CACNG7: variants seen among roughly 807,000 people sequenced by gnomAD.
CACNG7 encodes the protein voltage-dependent calcium channel gamma-7 subunit.
CACNG7 carries 9 observed loss-of-function variants against 26.3 expected under a neutral mutation model. The ratio of observed to expected loss-of-function variants is 0.34; its 90% CI spans 0.21 to 0.60. The LOEUF (loss-of-function observed/expected upper bound fraction) is 0.60, where lower values mean the gene tolerates loss of function less well. Among genes scored for constraint, CACNG7 ranks in the 20% least tolerant of loss-of-function variants. The probability of loss-of-function intolerance (pLI) is 0.81; values close to 1 mark genes in which losing one functional copy is unlikely to be tolerated. For synonymous variants in CACNG7, 170 were observed against 157.0 expected, an observed-to-expected ratio of 1.08 and a Z score of -0.62; for missense variants, 297 against 380.4, an observed-to-expected ratio of 0.78 and a Z score of 1.82.
intron 4 of CACNG7, among the ~76,000 whole-genome samples, chr19:53,918,598 G>A (rs1387821309): frequency 6.6e-6 from 1 of 152,040 alleles, no homozygotes; most frequent in Non-Finnish European, 1.5e-5. Context: ...TAAAGCATCC[G>A]ACCCACTGCC....
rs1467078521 is a variant in CACNG7 at position 53,909,415 on chromosome 19, A to C, written c.-132A>C. ...CGGGGCGGGGGCGGGGGGCGCGGGCACCGGCGACCCCGGTGGCGGCGGCGG... is the reference window on the plus strand; with the variant it reads ...CGGGGCGGGGGCGGGGGGCGCGGGCCCCGGCGACCCCGGTGGCGGCGGCGG... On this transcript the variant is annotated 5_prime_UTR_variant, in exon 1 of 6. Transcript: ENST00000391767. The surrounding 1 kb of genome is among the most constrained non-coding windows in gnomAD (Gnocchi z 5.1). 1 of 147,218 alleles carries C rather than the reference A, an allele frequency of 6.8e-6. No individual in the cohort carries two copies. The highest frequency in any genetic ancestry group is 1.5e-5 in the Non-Finnish European group (1 of 66,002). 9.1% of individuals were successfully genotyped at this position (147,218 alleles called of 1,614,324 possible).
At chr19:53,925,717 C>A (rs1043960123) in intron 4 of CACNG7, among the ~76,000 whole-genome samples, 1 of 152,224 alleles carries the variant, frequency 6.6e-6, no homozygotes, top group African/African-American at 2.4e-5. Flanking sequence ...CTCACAGGGA[C>A]CTCTGCTGGG....
Position 53,913,000 on chromosome 19 carries a change from G to A in CACNG7, c.169G>A (p.Gly57Ser), listed in dbSNP as rs1348476298. 3 of 1,612,270 alleles carry A rather than the reference G, an allele frequency of 1.9e-6. No individual in the cohort carries two copies. Among genetic ancestry groups the A allele is most frequent in the Admixed American group, 1.7e-5 (1 of 59,954 alleles). ...CGAGGTCAAGATGGCCCTGCACGCC[G>A]GCCTCTGGCGAGTCTGCTTCTTTGC... ...TTEVKMALHA[G>S]LWRVCFFAGR... The change falls in exon 2 of 6, where the codon GGC (glycine) becomes AGC (serine). Residue 57 changes from glycine to serine, a missense_variant. Coordinates refer to ENST00000391767, the MANE Select transcript of CACNG7 (RefSeq NM_031896.5). This position sits in a 1 kb window ranked among gnomAD's most constrained non-coding sequence, Gnocchi z 4.6.
chr19:53,927,034 CT>C, intron 4 of CACNG7, among the ~76,000 whole-genome samples: 1 of 152,092 alleles, frequency 6.6e-6, no homozygotes, highest in South Asian at 2.1e-4. Context: ...GATCTCCTGC[CT>C]TAGCCTCCCA....
Position 53,942,142 on chromosome 19 carries a change from A to G in CACNG7, c.677A>G (p.Asp226Gly), listed in dbSNP as rs1388364460. 1 of 1,613,924 alleles carries G rather than the reference A, an allele frequency of 6.2e-7. No homozygotes were observed. Among genetic ancestry groups the G allele is most frequent in the South Asian group, 1.1e-5 (1 of 91,072 alleles). Residue 226 changes from aspartate (D) to glycine (G), a missense_variant, in exon 6 of 6, where the codon GAC becomes GGC. Asp to Gly is a moderately conservative substitution (Grantham distance 94). Transcript: ENST00000391767. The surrounding 1 kb of genome is among the most constrained non-coding windows in gnomAD (Gnocchi z 5.9). ...FYRPRLSDCSDYSGQFLQPEA... is the reference protein window; with the variant it reads ...FYRPRLSDCSGYSGQFLQPEA... ...CGCCCGCGTCTCAGCGACTGCTCCG[A>G]CTACTCGGGCCAGTTCCTGCAGCCC...
chr19:53,922,936 GTCTGGTCATTGGTGGAGTTGCCCCAGGT>G (rs2068975686), intron 4 of CACNG7, among the ~76,000 whole-genome samples: 1 of 86,660 alleles, frequency 1.2e-5, no homozygotes, highest in African/African-American at 1.1e-4. Flanking sequence ...GTTGTCCCAG[GTCTGGTCATTGGTGGAGTTGCCCCAGGT>G]CTGGTCATTG....
chr19:53,913,181 T>C (rs943358620), intron 2 of CACNG7, among the ~76,000 whole-genome samples, 154 bp downstream of exon 2: 1 of 152,224 alleles, frequency 6.6e-6, no homozygotes, highest in Admixed American at 6.5e-5. Context: ...CCCCAGTGAC[T>C]AGCCCTTTAT....
intron 4 of CACNG7, among the ~76,000 whole-genome samples, chr19:53,925,714 G>A (rs532594034): frequency 1.8e-4 from 27 of 152,344 alleles, no homozygotes; most frequent in African/African-American, 6.3e-4. Context: ...TGTCTCACAG[G>A]GACCTCTGCT....
At chr19:53,927,188 G>A (rs1050069581) in intron 4 of CACNG7, among the ~76,000 whole-genome samples, 34 of 152,058 alleles carry the variant, frequency 2.2e-4, no homozygotes, top group African/African-American at 7.2e-4. Flanking sequence ...CCAAAGTTCC[G>A]GGATTACAGG....
intron 4 of CACNG7, among the ~76,000 whole-genome samples, chr19:53,923,359 G>GT (rs1315911109): frequency 3.5e-5 from 3 of 86,644 alleles, no homozygotes; most frequent in African/African-American, 1.3e-4. Flanking sequence ...TGGTGGAGTT[G>GT]CCCCAGGTCT....
At chr19:53,916,492 T>TTTTC (rs1555810002) in intron 4 of CACNG7, among the ~76,000 whole-genome samples, 1 of 143,038 alleles carries the variant, frequency 7.0e-6, no homozygotes, top group African/African-American at 2.7e-5. Context: ...TCTTTCTTTT[T>TTTTC]TTTTTTTTTT....
chr19:53,942,714 C>A lies in CACNG7; in HGVS notation c.*421C>A. The A allele has an allele frequency of 2.7e-6, 1 of 365,728 alleles. No homozygotes were observed. Among genetic ancestry groups the A allele is most frequent in the Non-Finnish European group, 4.0e-6 (1 of 250,472 alleles). The allele number at this position is 365,728 out of a possible 1,614,324, so 22.7% of individuals were successfully genotyped here. On this transcript the variant is annotated 3_prime_UTR_variant, in exon 6 of 6. Transcript: ENST00000391767. This position sits in a 1 kb window ranked among gnomAD's most constrained non-coding sequence, Gnocchi z 5.9. The stretch of plus-strand genomic sequence containing the variant: ...CGCTGGGCTGGAGAGCAGGTTCGGG[C>A]AGCCGTCGGGAATACCGACCATCCT...
chr19:53,923,309 T>A (rs74180748), intron 4 of CACNG7, among the ~76,000 whole-genome samples: 1 of 74,650 alleles, frequency 1.3e-5, no homozygotes, highest in Non-Finnish European at 2.4e-5. Context: ...TGGAGTTGAC[T>A]CAGGCTGGTC....
At chr19:53,931,382 T>C (rs1210062931) in intron 4 of CACNG7, among the ~76,000 whole-genome samples, 1 of 151,998 alleles carries the variant, frequency 6.6e-6, no homozygotes, top group Non-Finnish European at 1.5e-5. Flanking sequence ...ATGCATGACA[T>C]TTAGTTAATA....
In CACNG7 at chr19:53,942,060, C is replaced by T. The variant is rs1297387008; in HGVS notation, c.595C>T (p.Leu199=). ...KEGAGVMSVY[L]FTKRYAEEEM... Reference sequence around the variant, plus strand: ...GGGGGCCGGCGTGATGTCCGTGTACCTGTTCACCAAGCGCTACGCGGAGGA... The same window carrying T: ...GGGGGCCGGCGTGATGTCCGTGTACTTGTTCACCAAGCGCTACGCGGAGGA... Residue 199 remains leucine (L), a synonymous_variant, in exon 6 of 6, where the codon CTG becomes TTG. Transcript: ENST00000391767. The surrounding 1 kb of genome is among the most constrained non-coding windows in gnomAD (Gnocchi z 5.9). The T allele has an allele frequency of 1.2e-6, 2 of 1,611,976 alleles. No homozygotes were observed. The highest frequency in any genetic ancestry group is 3.3e-5 in the Admixed American group (2 of 59,872).
Position 53,942,265 on chromosome 19 carries a change from A to G in CACNG7, c.800A>G (p.His267Arg). Residue 267 changes from histidine (H) to arginine (R), a missense_variant, in exon 6 of 6, where the codon CAC becomes CGC. Transcript: ENST00000391767. The surrounding 1 kb of genome is among the most constrained non-coding windows in gnomAD (Gnocchi z 5.9). ...CCTCCCGCCATCAAGTACCCGGACC[A>G]CCTGCACATCTCCACCTCGCCCTGC... ...NYPPAIKYPD[H>R]LHISTSPC The G allele has an allele frequency of 6.2e-7, 1 of 1,612,858 alleles. No individual in the cohort carries two copies. The highest frequency in any genetic ancestry group is 1.1e-5 in the South Asian group (1 of 91,034).
At position 53,922,670 on chromosome 19, in the gene CACNG7, C is replaced by T. The variant is rs531830766; in HGVS notation, c.424+7165C>T. 5.8e-5 allele frequency among the ~76,000 whole-genome samples: 4 copies of T among 68,882 alleles called. No individual in the cohort carries two copies. In the South Asian group the frequency reaches 1.8e-3, roughly 31 times the overall value. The allele number at this position is 68,882 out of a possible 152,430, so 45.2% of individuals were successfully genotyped here. ...TGGTCATTGGTGCAGTTGTCCCAGG[C>T]TGGTCATTGGTGGAGTTGCCCCAGG... On this transcript the variant is annotated intron_variant, in intron 4 of 5. Coordinates refer to ENST00000391767, the MANE Select transcript of CACNG7 (RefSeq NM_031896.5).
intron 4 of CACNG7, among the ~76,000 whole-genome samples, chr19:53,923,764 C>G (rs867453529): frequency 1.0e-5 from 1 of 100,166 alleles, no homozygotes; most frequent in Non-Finnish European, 1.9e-5. Context: ...GGTGGAGTTG[C>G]CCCAGGTCTG....
intron 4 of CACNG7, among the ~76,000 whole-genome samples, chr19:53,922,902 G>A (rs1599980335): frequency 1.3e-5 from 1 of 76,756 alleles, no homozygotes; most frequent in South Asian, 4.7e-4. Context: ...TGGTGGAGTT[G>A]CCCCAGGCCT....
Sources: gnomAD v4.1 joint callset for allele counts (sites outside exome capture counted in the v4.1 genomes callset) on GRCh38, gnomAD v4.1.1 for gene constraint, Gnocchi (gnomAD v3.1) non-coding constraint, MANE v1.5 for transcripts, NCBI Gene and HGNC (gene_info 2026-07-23, HGNC 2026-07-21) for gene names.